Variants in NPTN observed in about 807,000 individuals in gnomAD.
The protein encoded by NPTN is SDR-1.
NPTN carries 5 observed loss-of-function variants against 42.7 expected under a neutral mutation model. The ratio of observed to expected loss-of-function variants is 0.12; its 90% confidence interval spans 0.06 to 0.25. The LOEUF (loss-of-function observed/expected upper bound fraction) is 0.25, where lower values mean the gene tolerates loss of function less well. Ranked by LOEUF, NPTN falls within the 10% of genes least tolerant of loss-of-function variation. The probability of loss-of-function intolerance (pLI) is 1.00; values close to 1 mark genes in which losing one functional copy is unlikely to be tolerated. For synonymous variants in NPTN, 180 were observed against 201.9 expected (o/e 0.89, Z 0.92); for missense variants, 307 against 525.4 (o/e 0.58, Z 4.06).
chr15:73,567,151 G>C, intron 6 of NPTN: 32 of 984,264 alleles, frequency 3.3e-5, no homozygotes, highest in Non-Finnish European at 3.9e-5. Context: ...CTTTTGTATT[G>C]TTCACTTAGT....
chr15:73,568,748 C>CCTCT (rs1215543419), intron 6 of NPTN: 1 of 985,398 alleles, frequency 1.0e-6, no homozygotes, highest in Non-Finnish European at 1.2e-6. Flanking sequence ...CCTTCCCACG[C>CCTCT]CTCTGCCCAG....
chr15:73,607,891 A>G (rs1566982229), intron 1 of NPTN, among the ~76,000 whole-genome samples: 2 of 152,142 alleles, frequency 1.3e-5, no homozygotes. Context: ...CTGCTGCTCC[A>G]GGGACCATAC....
chr15:73,589,222 C>T (rs989849665), intron 3 of NPTN, among the ~76,000 whole-genome samples: 3 of 151,876 alleles, frequency 2.0e-5, no homozygotes, highest in Admixed American at 6.6e-5. Context: ...CCTAGCTACT[C>T]GGGAGGCTAC....
intron 4 of NPTN, among the ~76,000 whole-genome samples, chr15:73,575,956 A>G (rs1895671981): frequency 6.6e-6 from 1 of 152,162 alleles, no homozygotes; most frequent in African/African-American, 2.4e-5. Context: ...GTTTCTTACT[A>G]CAGAAGGAAG....
At chr15:73,587,372 GCAGCCACGAT>G in intron 4 of NPTN, 142 bp downstream of exon 4, 1 of 581,490 alleles carries the variant, frequency 1.7e-6, no homozygotes, top group Non-Finnish European at 3.1e-6. Context: ...TTAAACCCAG[GCAGCCACGAT>G]CCTGAGCCTG....
rs918657752 is a variant in NPTN at position 73,570,165 on chromosome 15, C to G, written c.1099G>C (p.Asp367His). 1 of 1,609,702 alleles carries G rather than the reference C, an allele frequency of 6.2e-7. No homozygotes were observed. The highest frequency in any genetic ancestry group is 1.3e-5 in the African/African-American group (1 of 74,822). The change falls in exon 6 of 9, where the codon GAT becomes CAT. Residue 367 changes from aspartate (D) to histidine (H), a missense_variant. Transcript: ENST00000345330. This position sits in a 1 kb window ranked among gnomAD's most constrained non-coding sequence, Gnocchi z 4.0. ...IVVYEKRKRP[D>H]EVPDDDEPAG... ...ATGCTCTTACCGTCAGGAACCTCAT[C>G]TGGCCTCTTCCTCTTCTCATACACA...
At chr15:73,609,701 G>A (rs1315409648) in intron 1 of NPTN, among the ~76,000 whole-genome samples, 1 of 151,982 alleles carries the variant, frequency 6.6e-6, no homozygotes, top group Non-Finnish European at 1.5e-5. Flanking sequence ...GTATCCATAT[G>A]GTTCCAAAGA....
chr15:73,565,891 G>C, intron 6 of NPTN: 1 of 440,722 alleles, frequency 2.3e-6, no homozygotes, highest in Admixed American at 2.4e-5. Context: ...GCAATGTCTA[G>C]TAAATAACGG....
At chr15:73,604,892 G>A (rs1381487068) in intron 1 of NPTN, among the ~76,000 whole-genome samples, 1 of 152,178 alleles carries the variant, frequency 6.6e-6, no homozygotes, top group African/African-American at 2.4e-5. Flanking sequence ...TTGGGAGGCT[G>A]AGGTGGGAGG....
At chr15:73,572,111 T>C (rs1438123621) in intron 5 of NPTN, among the ~76,000 whole-genome samples, 2 of 152,226 alleles carry the variant, frequency 1.3e-5, no homozygotes, top group African/African-American at 4.8e-5. Flanking sequence ...TCATCGCTGA[T>C]GTTGGAGTCA....
chr15:73,585,171 C>A (rs985930342), intron 4 of NPTN, among the ~76,000 whole-genome samples: 1 of 152,144 alleles, frequency 6.6e-6, no homozygotes, highest in African/African-American at 2.4e-5. Flanking sequence ...ATTACATGCC[C>A]TGTTGTGCTG....
rs143507999 is a variant in NPTN at position 73,568,484 on chromosome 15, A to C, written c.1114+1666T>G. On this transcript the variant is annotated intron_variant, in intron 6 of 8. Coordinates refer to ENST00000345330, the MANE Select transcript of NPTN (RefSeq NM_012428.4). ...AGGCATAACTGATCCCACAGAGCCA[A>C]AGCTGAAAACACACGAAAGACAGGC... The C allele has an allele frequency of 1.6e-5, 16 of 985,446 alleles. No individual in the cohort carries two copies. The African/African-American group carries it at 1.9e-4, about 12-fold the overall frequency. 61.0% of individuals were successfully genotyped at this position (985,446 alleles called of 1,614,324 possible). A position where few individuals can be genotyped will look rare whatever the true frequency, so the allele number is the denominator to read the frequency against.
intron 4 of NPTN, among the ~76,000 whole-genome samples, chr15:73,576,753 GT>G (rs750461739): frequency 3.3e-5 from 5 of 152,224 alleles, no homozygotes; most frequent in African/African-American, 4.8e-5. Context: ...CTTTTTAACA[GT>G]CTTATCTGAG....
At chr15:73,568,580 G>C in intron 6 of NPTN, 2 of 985,430 alleles carry the variant, frequency 2.0e-6, no homozygotes, top group Non-Finnish European at 2.4e-6. Flanking sequence ...TATGTAGCAG[G>C]AAAGAAATAC....
chr15:73,568,013 CT>C (rs1368360295), intron 6 of NPTN: 1 of 985,432 alleles, frequency 1.0e-6, no homozygotes, highest in Non-Finnish European at 1.2e-6. Flanking sequence ...AAAAGAGGTA[CT>C]TTCCCTCTAG....
chr15:73,632,331 T>C (rs376311621), intron 1 of NPTN, among the ~76,000 whole-genome samples: 3 of 140,204 alleles, frequency 2.1e-5, no homozygotes, highest in Non-Finnish European at 3.0e-5. Flanking sequence ...GTTCCAACCC[T>C]TTCCCTCCAT....
At chr15:73,580,538 T>C (rs867791688) in intron 4 of NPTN, among the ~76,000 whole-genome samples, 16 of 140,944 alleles carry the variant, frequency 1.1e-4, no homozygotes, top group Admixed American at 3.0e-4. Context: ...TATGTATATA[T>C]TTGTTATATA....
At chr15:73,612,294 C>T (rs1376204793) in intron 1 of NPTN, among the ~76,000 whole-genome samples, 2 of 151,934 alleles carry the variant, frequency 1.3e-5, no homozygotes, top group Non-Finnish European at 2.9e-5. Flanking sequence ...GTGGTATGTA[C>T]CTATAGTCCC....
chr15:73,627,064 A>G (rs906165301), intron 1 of NPTN, among the ~76,000 whole-genome samples: 2 of 152,166 alleles, frequency 1.3e-5, no homozygotes, highest in African/African-American at 4.8e-5. Context: ...GCGAAACTCC[A>G]TTTCTACTAA....
Sources: allele counts gnomAD v4.1 joint callset (sites outside exome capture counted in the v4.1 genomes callset), GRCh38; gene constraint gnomAD v4.1.1; non-coding constraint Gnocchi (gnomAD v3.1); transcripts MANE v1.5; gene names NCBI Gene and HGNC (gene_info 2026-07-23, HGNC 2026-07-21).